SCD5: variants seen among roughly 807,000 people sequenced by gnomAD.
The protein encoded by SCD5 is stearoyl-CoA desaturase 5, also known as acyl-CoA-desaturase 4.
A neutral mutation model predicts 30.4 loss-of-function variants in SCD5; 20 were observed. The ratio of observed to expected loss-of-function variants is 0.66; its 90% confidence interval spans 0.46 to 0.96. SCD5 has a LOEUF of 0.96. Among genes scored for constraint, SCD5 ranks in the 40% least tolerant of loss-of-function variants. The pLI is 0.00. For missense variants in SCD5, 381 were observed against 443.3 expected, an observed-to-expected ratio of 0.86 and a Z score of 1.26; for synonymous variants, 173 against 176.4, an observed-to-expected ratio of 0.98 and a Z score of 0.16.
At position 82,631,262 on chromosome 4, in the gene SCD5, G is replaced by A; in HGVS notation, c.*65C>T. On this transcript the variant is annotated 3_prime_UTR_variant, in exon 5 of 5. Transcript: ENST00000319540. Reference sequence around the variant, plus strand: ...CTCCCACGATCCAATGTACAAGAGAGCTATTGTAACCAAAGCCATGAACCG... The same window carrying A: ...CTCCCACGATCCAATGTACAAGAGAACTATTGTAACCAAAGCCATGAACCG... The A allele has an allele frequency of 7.0e-7, 1 of 1,438,618 alleles. No homozygotes were observed. Among genetic ancestry groups the A allele is most frequent in the South Asian group, 1.3e-5 (1 of 77,788 alleles). 89.1% of individuals were successfully genotyped at this position (1,438,618 alleles called of 1,614,324 possible). A position where few individuals can be genotyped will look rare whatever the true frequency, so the allele number is the denominator to read the frequency against.
At chr4:82,685,040 G>A (rs1728670858) in intron 2 of SCD5, among the ~76,000 whole-genome samples, 2 of 152,168 alleles carry the variant, frequency 1.3e-5, no homozygotes, top group East Asian at 3.8e-4. Flanking sequence ...GCAACTTAGA[G>A]TTTATACTGA....
intron 1 of SCD5, among the ~76,000 whole-genome samples, chr4:82,797,496 G>A (rs1004692176): frequency 6.6e-6 from 1 of 151,414 alleles, no homozygotes; most frequent in Non-Finnish European, 1.5e-5. Flanking sequence ...GTCGGCGCCC[G>A]GGCTCCCTTC....
intron 2 of SCD5, among the ~76,000 whole-genome samples, chr4:82,683,565 G>A (rs766772108): frequency 1.3e-5 from 2 of 152,106 alleles, no homozygotes; most frequent in Non-Finnish European, 2.9e-5. Flanking sequence ...GTTGCAGGGA[G>A]GGATCTTTTA....
chr4:82,702,130 CTTTTTTTTTTT>C (rs10701664), intron 2 of SCD5, among the ~76,000 whole-genome samples: 8 of 64,116 alleles, frequency 1.2e-4, no homozygotes, highest in South Asian at 1.1e-3. Flanking sequence ...CCATCATCAT[CTTTTTTTTTTT>C]TTTTTTTTTT....
chr4:82,710,485 C>G (rs1202667310), intron 1 of SCD5, among the ~76,000 whole-genome samples: 2 of 152,164 alleles, frequency 1.3e-5, no homozygotes, highest in African/African-American at 4.8e-5. Flanking sequence ...CCTAGGCTCT[C>G]AGCTGCAGAG....
chr4:82,680,763 C>T lies in SCD5; in HGVS notation c.513G>A (p.Gly171=), dbSNP rs1218296710. 6.2e-7 allele frequency: 1 copy of T among 1,613,976 alleles called. No individual in the cohort carries two copies. The highest frequency in any genetic ancestry group is 1.7e-5 in the Admixed American group (1 of 59,998). ...VRKHRDVIEK[G]RKLDVTDLLA... ...GCAGGTCAGTGACGTCAAGCTTTCTCCCCTTCTCAATAACATCTCGATGCT... is the reference window on the plus strand; with the variant it reads ...GCAGGTCAGTGACGTCAAGCTTTCTTCCCTTCTCAATAACATCTCGATGCT... The change falls in exon 3 of 5, where the codon GGG becomes GGA. Residue 171 remains glycine, a synonymous_variant. Transcript: ENST00000319540.
intron 2 of SCD5, among the ~76,000 whole-genome samples, chr4:82,703,903 T>A (rs1719912455): frequency 6.6e-6 from 1 of 152,162 alleles, no homozygotes; most frequent in African/African-American, 2.4e-5. Context: ...TGAAATAAGA[T>A]GGCTGAAGTC....
chr4:82,645,006 A>C (rs1727610006), intron 3 of SCD5, among the ~76,000 whole-genome samples: 1 of 152,164 alleles, frequency 6.6e-6, no homozygotes, highest in Non-Finnish European at 1.5e-5. Context: ...GAAGGTGCCT[A>C]AACTCATCAA....
In SCD5 at chr4:82,629,830, C is replaced by T. The variant is rs1048672202; in HGVS notation, c.*1497G>A. On this transcript the variant is annotated 3_prime_UTR_variant, in exon 5 of 5. Coordinates refer to ENST00000319540, the MANE Select transcript of SCD5 (RefSeq NM_001037582.3). ...ACATGCACTTTACAAAGCAACTTCA[C>T]ACACAAATTTTTTTAATCCAGAAGC... 4.6e-5 allele frequency: 7 copies of T among 152,184 alleles called. No individual in the cohort carries two copies. The highest frequency in any genetic ancestry group is 1.7e-4 in the African/African-American group (7 of 41,450). 9.4% of individuals were successfully genotyped at this position (152,184 alleles called of 1,614,324 possible). A position where few individuals can be genotyped will look rare whatever the true frequency, so the allele number is the denominator to read the frequency against.
intron 1 of SCD5, among the ~76,000 whole-genome samples, chr4:82,729,456 C>T (rs985590499): frequency 6.6e-6 from 1 of 152,120 alleles, no homozygotes; most frequent in African/African-American, 2.4e-5. Flanking sequence ...GAGAGCAGCA[C>T]TCAGCTCTGG....
At chr4:82,774,044 A>G (rs1051001926) in intron 1 of SCD5, among the ~76,000 whole-genome samples, 2 of 151,416 alleles carry the variant, frequency 1.3e-5, no homozygotes, top group South Asian at 2.1e-4. Flanking sequence ...ATCCAAGATC[A>G]TGCCACTGCA....
intron 1 of SCD5, among the ~76,000 whole-genome samples, chr4:82,715,242 A>G (rs1720201808): frequency 6.6e-6 from 1 of 151,452 alleles, no homozygotes; most frequent in Admixed American, 6.6e-5. Flanking sequence ...GTCTGAAAAA[A>G]AAAAAAAAAT....
chr4:82,688,685 T>C (rs1728763713), intron 2 of SCD5, among the ~76,000 whole-genome samples: 1 of 152,196 alleles, frequency 6.6e-6, no homozygotes, highest in South Asian at 2.1e-4. Flanking sequence ...CTTGCCTTCA[T>C]GTGGCACTTG....
chr4:82,750,657 C>T (rs1408613660), intron 1 of SCD5, among the ~76,000 whole-genome samples: 2 of 148,804 alleles, frequency 1.3e-5, no homozygotes, highest in African/African-American at 2.5e-5. Context: ...AAAAAAAAGT[C>T]ATGAAACCAA....
At chr4:82,765,721 A>G (rs563727294) in intron 1 of SCD5, among the ~76,000 whole-genome samples, 32 of 151,502 alleles carry the variant, frequency 2.1e-4, no homozygotes, top group Admixed American at 1.8e-3. Flanking sequence ...GGTTCAAGTG[A>G]TTCTCGTGCC....
intron 1 of SCD5, among the ~76,000 whole-genome samples, chr4:82,708,653 T>C (rs1470723871): frequency 6.6e-6 from 1 of 152,212 alleles, no homozygotes; most frequent in Non-Finnish European, 1.5e-5. Context: ...ACCTCCTATC[T>C]GTCCTGATTT....
chr4:82,694,379 C>T (rs1195683266), intron 2 of SCD5, among the ~76,000 whole-genome samples: 1 of 152,170 alleles, frequency 6.6e-6, no homozygotes, highest in Non-Finnish European at 1.5e-5. Flanking sequence ...AGTGCCAAAG[C>T]TTTATGACTT....
chr4:82,679,907 A>T (rs1417554519), intron 3 of SCD5, among the ~76,000 whole-genome samples: 1 of 152,226 alleles, frequency 6.6e-6, no homozygotes, highest in African/African-American at 2.4e-5. Flanking sequence ...GATGGTCACT[A>T]GTAACCACTT....
At chr4:82,703,947 G>C (rs1719913624) in intron 2 of SCD5, among the ~76,000 whole-genome samples, 1 of 152,172 alleles carries the variant, frequency 6.6e-6, no homozygotes, top group Non-Finnish European at 1.5e-5. Flanking sequence ...CACTGCCAGT[G>C]GTGAACAAAT....
Sources: gnomAD v4.1 joint callset for allele counts (sites outside exome capture counted in the v4.1 genomes callset) on GRCh38, gnomAD v4.1.1 for gene constraint, MANE v1.5 for transcripts, NCBI Gene and HGNC (gene_info 2026-07-23, HGNC 2026-07-21) for gene names.